Variants in ADGRL3 observed in about 807,000 individuals in gnomAD.
ADGRL3 encodes calcium-independent alpha-latrotoxin receptor 3.
A neutral mutation model predicts 153.5 loss-of-function variants in ADGRL3; 62 were observed. The observed-to-expected ratio is 0.40, with a 90% CI of 0.33 to 0.50. The LOEUF is 0.50. Among genes scored for constraint, ADGRL3 ranks in the 20% least tolerant of loss-of-function variants. The pLI, the probability that ADGRL3 is intolerant of heterozygous loss-of-function variation, is 0.47. For synonymous variants in ADGRL3, 710 were observed against 672.5 expected (o/e 1.06, Z -0.86); for missense variants, 1,641 against 1,859.4 (o/e 0.88, Z 2.16).
chr4:61,358,404 T>C (rs1425888482), intron 1 of ADGRL3, among the ~76,000 whole-genome samples: 3 of 152,008 alleles, frequency 2.0e-5, no homozygotes, highest in East Asian at 1.9e-4. Context: ...GAGACCATCC[T>C]GGCTAACAGG....
At chr4:61,479,192 C>A (rs999678844) in intron 2 of ADGRL3, among the ~76,000 whole-genome samples, 2 of 151,884 alleles carry the variant, frequency 1.3e-5, no homozygotes, top group African/African-American at 4.8e-5. Flanking sequence ...TTTTTTGACA[C>A]CAAGCTTCCA....
At chr4:61,697,716 T>G in intron 6 of ADGRL3, among the ~76,000 whole-genome samples, 1 of 152,150 alleles carries the variant, frequency 6.6e-6, no homozygotes, top group East Asian at 1.9e-4. Context: ...AAGTTCAATG[T>G]AACAAACATC....
chr4:62,005,021 T>A (rs1340304711), intron 21 of ADGRL3, among the ~76,000 whole-genome samples: 1 of 152,144 alleles, frequency 6.6e-6, no homozygotes, highest in Non-Finnish European at 1.5e-5. Context: ...GAGCTTTGTG[T>A]ATTTTTAATG....
intron 1 of ADGRL3, among the ~76,000 whole-genome samples, chr4:61,248,982 G>T (rs908229803): frequency 2.0e-5 from 3 of 152,096 alleles, no homozygotes; most frequent in African/African-American, 7.2e-5. Context: ...TAGCAATTTT[G>T]ATTCTTCCGT....
At chr4:61,250,014 C>T (rs576959880) in intron 1 of ADGRL3, among the ~76,000 whole-genome samples, 9 of 152,250 alleles carry the variant, frequency 5.9e-5, no homozygotes, top group Admixed American at 2.0e-4. Context: ...ATTTCACTTT[C>T]GGGACTAATA....
intron 2 of ADGRL3, among the ~76,000 whole-genome samples, chr4:61,485,703 GA>G (rs2098183562): frequency 1.3e-5 from 2 of 152,122 alleles, no homozygotes; most frequent in Non-Finnish European, 2.9e-5. Context: ...GGAATAGGAT[GA>G]ATTTGACTTT....
intron 1 of ADGRL3, among the ~76,000 whole-genome samples, chr4:61,334,117 A>G (rs1440158275): frequency 1.3e-5 from 2 of 151,834 alleles, no homozygotes; most frequent in Non-Finnish European, 2.9e-5. Flanking sequence ...GGGTTTTGCC[A>G]TGTTGGCCAG....
chr4:61,552,494 C>T (rs9997476), intron 4 of ADGRL3, among the ~76,000 whole-genome samples: 30,343 of 151,898 alleles, frequency 0.2, 3,387 homozygotes, highest in Non-Finnish European at 0.25. Context: ...GACAGGATTT[C>T]GCTCTGTCAC....
intron 6 of ADGRL3, among the ~76,000 whole-genome samples, chr4:61,677,931 A>C (rs1233680058): frequency 6.6e-6 from 1 of 152,010 alleles, no homozygotes; most frequent in Non-Finnish European, 1.5e-5. Context: ...ATTTTAAAAT[A>C]ATAGTGAAAA....
At chr4:61,491,646 C>G (rs2098259083) in intron 2 of ADGRL3, among the ~76,000 whole-genome samples, 1 of 152,028 alleles carries the variant, frequency 6.6e-6, no homozygotes, top group East Asian at 1.9e-4. Flanking sequence ...TCTTGAACTC[C>G]TGGCCTCAAG....
intron 3 of ADGRL3, among the ~76,000 whole-genome samples, chr4:61,508,216 A>G (rs1251194698): frequency 6.6e-6 from 1 of 152,184 alleles, no homozygotes; most frequent in African/African-American, 2.4e-5. Context: ...ACATCACAGT[A>G]TTACAATTTA....
chr4:61,431,879 T>C (rs2097359983), intron 2 of ADGRL3, among the ~76,000 whole-genome samples: 2 of 152,206 alleles, frequency 1.3e-5, no homozygotes, highest in South Asian at 4.1e-4. Context: ...AATGAATTTA[T>C]CTCTGCTTTT....
chr4:61,762,998 C>T (rs1380643750), intron 8 of ADGRL3, among the ~76,000 whole-genome samples: 5 of 151,992 alleles, frequency 3.3e-5, no homozygotes, highest in African/African-American at 1.2e-4. Flanking sequence ...TCTGGAACAA[C>T]CAGTCATTCT....
chr4:61,343,833 C>T (rs2095851228), intron 1 of ADGRL3, among the ~76,000 whole-genome samples: 1 of 152,182 alleles, frequency 6.6e-6, no homozygotes, highest in Admixed American at 6.6e-5. Flanking sequence ...TAATTCATAT[C>T]TGCAGAACTT....
At chr4:61,432,568 C>CTTTCTTTTTCTTTCTTTT (rs778720002) in intron 2 of ADGRL3, among the ~76,000 whole-genome samples, 1 of 38,370 alleles carries the variant, frequency 2.6e-5, no homozygotes. Context: ...TCTTTTCTTT[C>CTTTCTTTTTCTTTCTTTT]TCTTCCTTTC....
chr4:61,560,398 T>G (rs2098789957), intron 4 of ADGRL3, among the ~76,000 whole-genome samples: 1 of 152,100 alleles, frequency 6.6e-6, no homozygotes, highest in Non-Finnish European at 1.5e-5. Context: ...TAAAAAAGAA[T>G]GGTAATCTGA....
intron 13 of ADGRL3, among the ~76,000 whole-genome samples, chr4:61,923,661 A>G (rs901153967): frequency 3.9e-5 from 6 of 152,184 alleles, no homozygotes; most frequent in African/African-American, 1.4e-4. Context: ...TAACTTTGAC[A>G]TATGAAGTCA....
At chr4:61,324,332 A>G (rs34639673) in intron 1 of ADGRL3, among the ~76,000 whole-genome samples, 9,454 of 152,260 alleles carry the variant, frequency 0.062, 423 homozygotes, top group South Asian at 0.12. Context: ...TATTTGAGAA[A>G]CGTATACCTG....
intron 2 of ADGRL3, among the ~76,000 whole-genome samples, chr4:61,450,816 G>A (rs937953721): frequency 4.5e-4 from 69 of 152,052 alleles, no homozygotes; most frequent in African/African-American, 1.6e-3. Context: ...TGAGAACCAC[G>A]TGAAAAATAT....
Sources: allele counts gnomAD v4.1 joint callset (sites outside exome capture counted in the v4.1 genomes callset), GRCh38; gene constraint gnomAD v4.1.1; transcripts MANE v1.5; gene names NCBI Gene and HGNC (gene_info 2026-07-23, HGNC 2026-07-21).